Variants in SHLD1 observed in about 807,000 individuals in gnomAD.
The protein encoded by SHLD1 is shieldin complex subunit 1.
A neutral mutation model predicts 5.5 loss-of-function variants in SHLD1; 3 were observed. The observed-to-expected ratio is 0.54, with a 90% CI of 0.25 to 1.40. The LOEUF (loss-of-function observed/expected upper bound fraction) is 1.40. Among genes scored for constraint, SHLD1 ranks in the 40% most tolerant of loss-of-function variants. SHLD1 has a pLI of 0.15. For synonymous variants in SHLD1, 92 were observed against 94.3 expected (o/e 0.98, Z 0.14); for missense variants, 210 against 244.4 (o/e 0.86, Z 0.94).
chr20:5,821,181 C>G (rs2087601369), intron 2 of SHLD1, among the ~76,000 whole-genome samples: 1 of 152,150 alleles, frequency 6.6e-6, no homozygotes, highest in Admixed American at 6.5e-5. Context: ...AAGTCTGTGA[C>G]CAACATTTTT....
intron 1 of SHLD1, chr20:5,771,808 T>C (rs1985170344): frequency 9.5e-6 from 2 of 210,352 alleles, no homozygotes; most frequent in Admixed American, 6.0e-5. Context: ...ACAGTAGATC[T>C]TAGTAGCCTA....
intron 2 of SHLD1, among the ~76,000 whole-genome samples, chr20:5,808,691 C>G (rs910607145): frequency 2.0e-5 from 3 of 152,192 alleles, no homozygotes; most frequent in Non-Finnish European, 4.4e-5. Flanking sequence ...TCCTCTTACA[C>G]AGCTTATCTA....
At chr20:5,756,689 C>CTTTTTTT (rs35462391) in intron 1 of SHLD1, 28 of 80,360 alleles carry the variant, frequency 3.5e-4, no homozygotes, top group Admixed American at 4.1e-4. Flanking sequence ...TTCTTTCTTT[C>CTTTTTTT]TTTTTTTTTT....
chr20:5,805,767 A>G (rs1157101313), intron 2 of SHLD1, among the ~76,000 whole-genome samples: 1 of 151,642 alleles, frequency 6.6e-6, no homozygotes, highest in Non-Finnish European at 1.5e-5. Context: ...CATCCAGCTA[A>G]TTTTTGTATT....
intron 2 of SHLD1, among the ~76,000 whole-genome samples, chr20:5,812,243 T>A (rs1278747911): frequency 6.6e-6 from 1 of 152,142 alleles, no homozygotes; most frequent in Non-Finnish European, 1.5e-5. Flanking sequence ...AAAATAAAGA[T>A]CAGTTTTCTG....
chr20:5,757,095 C>A (rs1478179021), intron 1 of SHLD1, among the ~76,000 whole-genome samples: 6 of 111,080 alleles, frequency 5.4e-5, no homozygotes, highest in South Asian at 3.0e-4. Flanking sequence ...TTTTTTGAGA[C>A]AGAGTTGCTC....
chr20:5,861,221 C>CT (rs2088158709), intron 2 of SHLD1, among the ~76,000 whole-genome samples: 2 of 152,274 alleles, frequency 1.3e-5, no homozygotes. Flanking sequence ...GTCACCTCCT[C>CT]TGAAGAGGGA....
intron 2 of SHLD1, among the ~76,000 whole-genome samples, chr20:5,857,024 C>T (rs2088096180): frequency 6.6e-6 from 1 of 152,146 alleles, no homozygotes; most frequent in South Asian, 2.1e-4. Flanking sequence ...CTCTGTCGCC[C>T]AGGCTGGAGT....
At chr20:5,843,832 G>A (rs911198178) in intron 2 of SHLD1, among the ~76,000 whole-genome samples, 2 of 152,118 alleles carry the variant, frequency 1.3e-5, no homozygotes, top group African/African-American at 2.4e-5. Flanking sequence ...AGGTATCCTC[G>A]CGAAGGTGGA....
chr20:5,853,035 T>C (rs1185036484), intron 2 of SHLD1, among the ~76,000 whole-genome samples: 1 of 152,214 alleles, frequency 6.6e-6, no homozygotes, highest in East Asian at 1.9e-4. Flanking sequence ...GTCTATTGTG[T>C]ATTAAAGGTT....
intron 1 of SHLD1, chr20:5,765,176 G>A (rs113586846): frequency 0.037 from 5,587 of 151,956 alleles, 136 homozygotes; most frequent in African/African-American, 0.072. Context: ...CAAAGTGCTG[G>A]GACTACAGGT....
intron 2 of SHLD1, among the ~76,000 whole-genome samples, chr20:5,856,237 G>A (rs1196401372): frequency 1.3e-5 from 2 of 152,216 alleles, no homozygotes; most frequent in Non-Finnish European, 2.9e-5. Flanking sequence ...AAGCATGTTC[G>A]ATGGCAGAGC....
At chr20:5,838,732 G>C (rs1235764353) in intron 2 of SHLD1, among the ~76,000 whole-genome samples, 1 of 152,158 alleles carries the variant, frequency 6.6e-6, no homozygotes, top group East Asian at 1.9e-4. Context: ...GAGCTGAGAC[G>C]GCGCCACTGC....
At chr20:5,750,247 C>T (rs1374447340), upstream of SHLD1, 2 of 152,164 alleles carry the variant, frequency 1.3e-5, no homozygotes, top group Admixed American at 6.6e-5. Context: ...CCAAAATAGC[C>T]ACATGTGGCA....
chr20:5,815,134 A>G (rs568691379), intron 2 of SHLD1, among the ~76,000 whole-genome samples: 3 of 152,078 alleles, frequency 2.0e-5, no homozygotes, highest in Non-Finnish European at 4.4e-5. Flanking sequence ...TCCTGAGCAG[A>G]TACGCTTGTT....
chr20:5,760,450 T>C (rs1262141491), intron 1 of SHLD1, among the ~76,000 whole-genome samples: 2 of 152,040 alleles, frequency 1.3e-5, no homozygotes, highest in Admixed American at 1.3e-4. Flanking sequence ...CCCAACACTT[T>C]GGGAGGCTGA....
chr20:5,800,520 C>G (rs1350529160), intron 2 of SHLD1, among the ~76,000 whole-genome samples: 1 of 151,946 alleles, frequency 6.6e-6, no homozygotes, highest in African/African-American at 2.4e-5. Flanking sequence ...ATGATGAAAC[C>G]CTCTACTAGA....
rs561061511 is a variant in SHLD1, at chr20:5,791,598, A to AATG, written c.178+18558_178+18560dup. On this transcript the variant is annotated intron_variant, in intron 2 of 2. Coordinates refer to ENST00000303142, the MANE Select transcript of SHLD1 (RefSeq NM_152504.4). ...AAAAAAAAAAAAAGGAAATGATATA[A>AATG]ATGATAGAACTGAAAAATATAGCCA... Among the ~76,000 whole-genome samples, 1,044 of 151,750 alleles carry AATG rather than the reference A, an allele frequency of 6.9e-3. 12 individuals are homozygous for AATG. Among genetic ancestry groups the AATG allele is most frequent in the African/African-American group, 0.023 (971 of 41,322 alleles).
chr20:5,809,250 T>C (rs1272273847), intron 2 of SHLD1, among the ~76,000 whole-genome samples: 1 of 152,060 alleles, frequency 6.6e-6, no homozygotes, highest in East Asian at 1.9e-4. Context: ...AATAAGAAAC[T>C]CATTTTAATT....
Sources: gnomAD v4.1 joint callset for allele counts (sites outside exome capture counted in the v4.1 genomes callset) on GRCh38, gnomAD v4.1.1 for gene constraint, MANE v1.5 for transcripts, NCBI Gene and HGNC (gene_info 2026-07-23, HGNC 2026-07-21) for gene names.